The following SUGP2 variants were observed in gnomAD, a reference collection of about 807,000 sequenced individuals.
SUGP2 encodes the protein SURP and G-patch domain-containing protein 2.
A neutral mutation model predicts 90.5 loss-of-function variants in SUGP2; 24 were observed. The observed-to-expected ratio is 0.27, with a 90% CI of 0.19 to 0.37. The LOEUF (loss-of-function observed/expected upper bound fraction) is 0.37. Ranked by LOEUF, SUGP2 falls within the 10% of genes least tolerant of loss-of-function variation. SUGP2 has a pLI of 1.00. For missense variants in SUGP2, 1,233 were observed against 1,363.3 expected (o/e 0.90, Z 1.51); for synonymous variants, 473 against 513.4 (o/e 0.92, Z 1.06).
rs754387248 is a variant in SUGP2, at chr19:19,001,612, CCTT to C, written c.2989_2991del (p.Lys998del). 5.0e-6 allele frequency: 8 copies of C among 1,614,216 alleles called. No individual in the cohort carries two copies. The highest frequency in any genetic ancestry group is 6.8e-6 in the Non-Finnish European group (8 of 1,180,026). The stretch of plus-strand genomic sequence containing the variant: ...TGAGGACTACCAATGATTACGCTCA[CCTT>C]CTTTTTGGACATGGGACGACCCCGA... On this transcript the variant is annotated inframe_deletion and splice_region_variant, in exon 8 of 11. Transcript: ENST00000452918.
intron 4 of SUGP2, among the ~76,000 whole-genome samples, chr19:19,015,096 G>T (rs887518781): frequency 2.2e-4 from 34 of 151,964 alleles, no homozygotes; most frequent in Non-Finnish European, 2.5e-4. Context: ...CAGCTACTAG[G>T]GAGGCTGAGG....
intron 4 of SUGP2, among the ~76,000 whole-genome samples, chr19:19,011,742 AT>A (rs549085639): frequency 3.8e-4 from 57 of 151,994 alleles, no homozygotes; most frequent in African/African-American, 1.3e-3. Flanking sequence ...CACGCCTGTA[AT>A]CCCAGCACTT....
intron 8 of SUGP2, among the ~76,000 whole-genome samples, chr19:19,001,335 G>T (rs1181542239): frequency 1.3e-5 from 2 of 152,116 alleles, no homozygotes; most frequent in Non-Finnish European, 2.9e-5. Flanking sequence ...CTTCTTAAGG[G>T]CCAAGACATT....
upstream of SUGP2, chr19:19,033,602 C>G: frequency 1.7e-6 from 2 of 1,183,286 alleles, no homozygotes; most frequent in Non-Finnish European, 2.1e-6. Context: ...CGCGGGCCGC[C>G]GCGGCCCGGC....
chr19:19,021,781 C>A (rs1599540829), intron 3 of SUGP2, among the ~76,000 whole-genome samples: 1 of 151,972 alleles, frequency 6.6e-6, no homozygotes, highest in East Asian at 1.9e-4. Flanking sequence ...TCTCTCCTGC[C>A]TCAGCTTCCC....
At position 18,995,162 on chromosome 19, in the gene SUGP2, A is replaced by C. The variant is rs1257689964; in HGVS notation, c.3110T>G (p.Ile1037Ser). 1 of 1,605,914 alleles carries C rather than the reference A, an allele frequency of 6.2e-7. No individual in the cohort carries two copies. Among genetic ancestry groups the C allele is most frequent in the Non-Finnish European group, 8.5e-7 (1 of 1,176,470 alleles). The change falls in exon 9 of 11, where the codon ATC becomes AGC. Residue 1037 changes from isoleucine to serine, a missense_variant. Ile to Ser is a moderately radical substitution (Grantham distance 142). Transcript: ENST00000452918. ...GHGLGSLGKG[I>S]REPVSVGTPS... is the part of the protein sequence containing the mutation. ...TGCGTACACGCTGACCGGCTCCCTGATGCCCTTTCCGAGGGAGCCCAGGCC... is the reference window on the plus strand; with the variant it reads ...TGCGTACACGCTGACCGGCTCCCTGCTGCCCTTTCCGAGGGAGCCCAGGCC...
chr19:19,031,049 T>C lies in SUGP2; in HGVS notation c.23A>G (p.Gln8Arg). 13 of 1,613,308 alleles carry C rather than the reference T, an allele frequency of 8.1e-6. No homozygotes were observed. Among genetic ancestry groups the C allele is most frequent in the South Asian group, 1.1e-5 (1 of 90,872 alleles). The change falls in exon 2 of 11, where the codon CAG becomes CGG. Residue 8 changes from glutamine to arginine, a missense_variant. Gln to Arg is a conservative substitution (Grantham distance 43). Transcript: ENST00000452918. MAARRIT[Q>R]ETFDAVLQEK... ...TTGTAATACAGCATCAAAAGTCTCC[T>C]GTGTAATTCGTCTGGCTGCCATGTT...
chr19:19,024,974 G>T lies in SUGP2; in HGVS notation c.1374C>A (p.Thr458=), dbSNP rs777416101. ...NAYELSVKMK[T]LSNPLDLALA... ...GAGCCAAGTCCAGGGGGTTACTGAGGGTCTTCATCTTGACACTTAGCTCGT... is the reference window on the plus strand; with the variant it reads ...GAGCCAAGTCCAGGGGGTTACTGAGTGTCTTCATCTTGACACTTAGCTCGT... Residue 458 remains threonine, a synonymous_variant, in exon 3 of 11, where the codon ACC becomes ACA. Coordinates refer to ENST00000452918, the MANE Select transcript of SUGP2 (RefSeq NM_001017392.5). 20 of 1,613,992 alleles carry T rather than the reference G, an allele frequency of 1.2e-5. No homozygotes were observed. Among genetic ancestry groups the T allele is most frequent in the Non-Finnish European group, 1.7e-6 (2 of 1,180,026 alleles).
chr19:18,999,174 G>A (rs990004195), intron 8 of SUGP2, among the ~76,000 whole-genome samples: 3 of 152,314 alleles, frequency 2.0e-5, no homozygotes, highest in Middle Eastern at 3.4e-3. Context: ...AATCATGATG[G>A]TGGTTTCCTG....
intron 2 of SUGP2, among the ~76,000 whole-genome samples, chr19:19,027,636 CTTTTTTTTTTT>C (rs2058986267): frequency 6.9e-6 from 1 of 144,794 alleles, no homozygotes. Flanking sequence ...TTTTTTTTTT[CTTTTTTTTTTT>C]GAGACAGAGT....
intron 4 of SUGP2, 87 bp from the exon 5 acceptor site, chr19:19,010,429 T>C (rs2058266323): frequency 6.6e-7 from 1 of 1,519,576 alleles, no homozygotes. Flanking sequence ...CCTTTCTAAG[T>C]GGCCAACTCC....
rs775922875 is a variant in SUGP2 at position 19,026,047 on chromosome 19, T to C, written c.301A>G (p.Ser101Gly). The change falls in exon 3 of 11, where the codon AGC (serine) becomes GGC (glycine). Residue 101 changes from serine to glycine, a missense_variant. Around this residue, in one of 8 missense-constraint regions of SUGP2, gnomAD observed 418 missense variants for 399.9 expected, o/e 1.05. Transcript: ENST00000452918. ...RSSNPSISDDSYFRKECGRDL... is the reference protein window; with the variant it reads ...RSSNPSISDDGYFRKECGRDL... The stretch of plus-strand genomic sequence containing the variant: ...CGGCCACATTCTTTGCGAAAGTAGC[T>C]GTCATCACTGATGGAAGGGTTGCTT... 6 of 1,614,068 alleles carry C rather than the reference T, an allele frequency of 3.7e-6. No individual in the cohort carries two copies. The South Asian group carries it at 6.6e-5, about 18-fold the overall frequency.
intron 4 of SUGP2, among the ~76,000 whole-genome samples, chr19:19,018,881 T>C (rs574916558): frequency 6.6e-6 from 1 of 152,118 alleles, no homozygotes; most frequent in Non-Finnish European, 1.5e-5. Flanking sequence ...CTTGGAGCTG[T>C]AGTCACAGGT....
At position 19,026,120 on chromosome 19, in the gene SUGP2, T is replaced by C; in HGVS notation, c.228A>G (p.Gly76=). ...SGSVAHSRDA[G]REGLRSDVFP... Reference sequence around the variant, plus strand: ...ATACGTCACTTCTCAGGCCTTCTCTTCCGGCATCTCTAGAGTGAGCTACAG... The same window carrying C: ...ATACGTCACTTCTCAGGCCTTCTCTCCCGGCATCTCTAGAGTGAGCTACAG... Residue 76 remains glycine, a synonymous_variant, in exon 3 of 11, where the codon GGA becomes GGG. Transcript: ENST00000452918. The C allele has an allele frequency of 6.2e-7, 1 of 1,614,142 alleles. No homozygotes were observed. Among genetic ancestry groups the C allele is most frequent in the Non-Finnish European group, 8.5e-7 (1 of 1,180,028 alleles).
chr19:19,003,378 TG>T (rs1243588933), intron 7 of SUGP2: 1 of 152,190 alleles, frequency 6.6e-6, no homozygotes, highest in East Asian at 1.9e-4. Flanking sequence ...GGCCTGACTG[TG>T]GGGAGACAGC....
At chr19:19,019,072 T>C (rs1478689030) in intron 4 of SUGP2, 37 bp downstream of exon 4, 1 of 1,601,148 alleles carries the variant, frequency 6.2e-7, no homozygotes, top group Non-Finnish European at 8.5e-7. Context: ...ATATACTCCA[T>C]GAGAGGGATT....
At chr19:19,007,934 A>G (rs2058151473) in intron 6 of SUGP2, among the ~76,000 whole-genome samples, 1 of 151,556 alleles carries the variant, frequency 6.6e-6, no homozygotes, top group Non-Finnish European at 1.5e-5. Flanking sequence ...TAATTTTTGT[A>G]TTTTTGTAGA....
intron 4 of SUGP2, among the ~76,000 whole-genome samples, chr19:19,015,881 C>T (rs2145569420): frequency 6.6e-6 from 1 of 152,340 alleles, no homozygotes; most frequent in East Asian, 1.9e-4. Context: ...TCTTCAGGAT[C>T]TATTCTATCA....
intron 2 of SUGP2, among the ~76,000 whole-genome samples, chr19:19,027,482 A>G (rs1162102237): frequency 3.9e-5 from 6 of 152,260 alleles, no homozygotes; most frequent in Non-Finnish European, 7.3e-5. Context: ...GAACTCTTCC[A>G]AACTTGTCAG....
Sources: gnomAD v4.1 joint callset for allele counts (sites outside exome capture counted in the v4.1 genomes callset) on GRCh38, gnomAD v4.1.1 for gene constraint, gnomAD v4.1.1 regional missense constraint, MANE v1.5 for transcripts, NCBI Gene and HGNC (gene_info 2026-07-23, HGNC 2026-07-21) for gene names.